HTT: variants seen among roughly 807,000 people sequenced by gnomAD.
The protein encoded by HTT is huntingtin.
In HTT, 104 loss-of-function variants were observed where a neutral mutation model predicts 362.3. The ratio of observed to expected loss-of-function variants is 0.29; its 90% CI spans 0.24 to 0.34. The LOEUF is 0.34. Ranked by LOEUF, HTT falls within the 10% of genes least tolerant of loss-of-function variation. HTT has a pLI of 1.00. For missense variants in HTT, 3,301 were observed against 3,928.6 expected (o/e 0.84, Z 4.27); for synonymous variants, 1,577 against 1,548.7 (o/e 1.02, Z -0.43).
intron 26 of HTT, among the ~76,000 whole-genome samples, chr4:3,150,577 CT>C (rs1369500829): frequency 3.3e-5 from 5 of 152,186 alleles, no homozygotes; most frequent in Admixed American, 6.5e-5. Context: ...CACTTTGTGT[CT>C]TATCAAGCTA....
rs1447793947 is a variant in HTT, at chr4:3,206,255, C to G, written c.5719-241C>G. Among the ~76,000 whole-genome samples, 1 of 152,270 alleles carries G rather than the reference C, an allele frequency of 6.6e-6. No individual in the cohort carries two copies. The highest frequency in any genetic ancestry group is 1.5e-5 in the Non-Finnish European group (1 of 68,044). On this transcript the variant is annotated intron_variant, in intron 42 of 66. Transcript: ENST00000355072. This position sits in a 1 kb window ranked among gnomAD's most constrained non-coding sequence, Gnocchi z 4.6. ...CTGAGAGCTGGACTGCTGTACCCTA[C>G]TTCCCCAGGGGGCCTAACTTCACAC...
chr4:3,187,512 A>C (rs1317755901), intron 38 of HTT, 139 bp from the exon 39 acceptor site: 2 of 653,848 alleles, frequency 3.1e-6, no homozygotes, highest in Non-Finnish European at 5.4e-6. Flanking sequence ...CTGGGAGCAC[A>C]CTTTGGGACT....
Position 3,215,219 on chromosome 4 carries a change from T to C in HTT, c.7054+8T>C. 2 of 1,602,494 alleles carry C rather than the reference T, an allele frequency of 1.2e-6. No homozygotes were observed. Among genetic ancestry groups the C allele is most frequent in the Non-Finnish European group, 1.7e-6 (2 of 1,170,534 alleles). ...TAGATCCAAACACACAGAGTAAGTC[T>C]CAGGACCCATTTTTTTCTTACATGT... On this transcript the variant is annotated splice_region_variant and intron_variant, in intron 51 of 66. Transcript: ENST00000355072.
intron 40 of HTT, 42 bp downstream of exon 40, chr4:3,189,135 C>T: frequency 6.3e-7 from 1 of 1,598,902 alleles, no homozygotes; most frequent in Non-Finnish European, 8.6e-7. Flanking sequence ...TCTCGTTCCC[C>T]ATTCTGCACT....
chr4:3,214,134 C>T lies in HTT; in HGVS notation c.6951C>T (p.Ala2317=), dbSNP rs376635317. 70 of 1,505,252 alleles carry T rather than the reference C, an allele frequency of 4.7e-5. No homozygotes were observed. Among genetic ancestry groups the T allele is most frequent in the Admixed American group, 2.6e-4 (13 of 50,508 alleles). 93.2% of individuals were successfully genotyped at this position (1,505,252 alleles called of 1,614,324 possible). Residue 2317 remains alanine, a splice_region_variant and synonymous_variant, in exon 50 of 67, where the codon GCC becomes GCT. Transcript: ENST00000355072. The part of the protein sequence containing the change: ...LIYCVHFILE[A]VAVQPGEQLL... ...ACTGTGTGCACTTCATCCTGGAGGC[C>T]GGTGAGTCCCCGTCCATGAACGGTG...
At chr4:3,100,560 C>G (rs972295564) in intron 3 of HTT, among the ~76,000 whole-genome samples, 1 of 152,196 alleles carries the variant, frequency 6.6e-6, no homozygotes, top group Non-Finnish European at 1.5e-5. Flanking sequence ...CTGCTTTGCT[C>G]GCATCTCACT....
chr4:3,182,254 G>C, intron 36 of HTT, 100 bp from the exon 37 acceptor site: 1 of 741,438 alleles, frequency 1.3e-6, no homozygotes, highest in Admixed American at 2.0e-5. Flanking sequence ...TTGGATCCTA[G>C]AGTCTTCCAG....
At chr4:3,171,618 C>G (rs1336346294) in intron 29 of HTT, among the ~76,000 whole-genome samples, 1 of 152,062 alleles carries the variant, frequency 6.6e-6, no homozygotes, top group Non-Finnish European at 1.5e-5. Flanking sequence ...GCTGGGATTA[C>G]AGGTGTGCGC....
Position 3,129,928 on chromosome 4 carries a change from T to C in HTT, c.1748T>C (p.Leu583Ser). ...AGCCCCCCTTGAACCGTTTAGGTGTTAGACGGTACCGACAACCAGTATTTG... is the reference window on the plus strand; with the variant it reads ...AGCCCCCCTTGAACCGTTTAGGTGTCAGACGGTACCGACAACCAGTATTTG... ...VTPSDSSEIV[L>S]DGTDNQYLGL... The change falls in exon 13 of 67, where the codon TTA becomes TCA. Residue 583 changes from leucine to serine, a missense_variant. Leu to Ser is a moderately radical substitution (Grantham distance 145). Transcript: ENST00000355072. The C allele has an allele frequency of 6.2e-7, 1 of 1,614,088 alleles. No individual in the cohort carries two copies. The highest frequency in any genetic ancestry group is 8.5e-7 in the Non-Finnish European group (1 of 1,179,962).
intron 1 of HTT, 138 bp from the exon 2 acceptor site, chr4:3,086,801 C>T: frequency 1.8e-6 from 1 of 547,482 alleles, no homozygotes; most frequent in Non-Finnish European, 3.4e-6. Context: ...TCCAGATCCC[C>T]ATTCTGCCCG....
chr4:3,086,535 G>A (rs1326834101), intron 1 of HTT, among the ~76,000 whole-genome samples: 2 of 152,188 alleles, frequency 1.3e-5, no homozygotes, highest in African/African-American at 4.8e-5. Context: ...GCCAGGCCCA[G>A]TGGTGCGTGC....
intron 2 of HTT, among the ~76,000 whole-genome samples, chr4:3,095,179 T>C (rs1296138267): frequency 1.3e-5 from 2 of 152,174 alleles, no homozygotes; most frequent in Non-Finnish European, 2.9e-5. Flanking sequence ...GGCAGGCGGC[T>C]GGGAGGTGAA....
At position 3,099,305 on chromosome 4, in the gene HTT, A is replaced by T. The variant is rs963369791; in HGVS notation, c.379A>T (p.Ile127Phe). 1 of 1,614,036 alleles carries T rather than the reference A, an allele frequency of 6.2e-7. No homozygotes were observed. The highest frequency in any genetic ancestry group is 8.5e-7 in the Non-Finnish European group (1 of 1,179,906). ...NSPEFQKLLG[I>F]AMELFLLCSD... ...TCCAGAATTTCAGAAACTTCTGGGCATCGCTATGGAACTTTTTCTGCTGTG... is the reference window on the plus strand; with the variant it reads ...TCCAGAATTTCAGAAACTTCTGGGCTTCGCTATGGAACTTTTTCTGCTGTG... The change falls in exon 3 of 67, where the codon ATC becomes TTC. Residue 127 changes from isoleucine (I) to phenylalanine (F), a missense_variant. Physicochemically the swap from Ile to Phe is conservative, Grantham distance 21. Around this residue, in one of 4 missense-constraint regions of HTT, gnomAD observed 2,316 missense variants for 2,658.5 expected, o/e 0.87. Coordinates refer to ENST00000355072, the MANE Select transcript of HTT (RefSeq NM_001388492.1).
chr4:3,235,391 TAATAC>T lies in HTT; in HGVS notation c.8566_8570del (p.Ile2856AspfsTer10). 1 of 1,603,354 alleles carries T rather than the reference TAATAC, an allele frequency of 6.2e-7. No homozygotes were observed. Among genetic ancestry groups the T allele is most frequent in the Non-Finnish European group, 8.5e-7 (1 of 1,170,154 alleles). On this transcript the variant is annotated frameshift_variant and splice_region_variant, in exon 62 of 67. Transcript: ENST00000355072. LOFTEE classifies it high-confidence loss of function. ...GTAGGGCCGGAATTTTCAGCATCAA[TAATAC>T]AGGTGAGTGGGCCCTGGCTGTCTTC...
At chr4:3,132,443 C>T in intron 16 of HTT, 119 bp from the exon 17 acceptor site, 1 of 785,070 alleles carries the variant, frequency 1.3e-6, no homozygotes, top group Non-Finnish European at 2.0e-6. Context: ...GAAGTCATTT[C>T]TGAATTTGGA....
intron 59 of HTT, 112 bp downstream of exon 59, chr4:3,229,121 C>A: frequency 9.6e-7 from 1 of 1,044,768 alleles, no homozygotes; most frequent in Non-Finnish European, 1.4e-6. Context: ...ACACACACCC[C>A]TCATGCATGC....
chr4:3,081,550 C>CTTTTTT lies in HTT; in HGVS notation c.264-5369_264-5364dup, dbSNP rs770325842. On this transcript the variant is annotated intron_variant, in intron 1 of 66. Transcript: ENST00000355072. ...ATAGGACCACATTTGGAAAGCATTTCTTTTTTTTTTTTTTTTTTTTTTTTT... is the reference window on the plus strand; with the variant it reads ...ATAGGACCACATTTGGAAAGCATTTCTTTTTTTTTTTTTTTTTTTTTTTTTTTTTTT... Among the ~76,000 whole-genome samples the CTTTTTT allele has an allele frequency of 4.9e-3, 412 of 84,414 alleles. 4 individuals carry two copies. Among genetic ancestry groups the CTTTTTT allele is most frequent in the Non-Finnish European group, 5.2e-3 (223 of 42,756 alleles). The allele number at this position is 84,414 out of a possible 152,430, so 55.4% of individuals were successfully genotyped here. A position where few individuals can be genotyped will look rare whatever the true frequency, so the allele number is the denominator to read the frequency against.
chr4:3,090,588 TATC>T (rs1346029266), intron 2 of HTT, among the ~76,000 whole-genome samples: 2 of 152,224 alleles, frequency 1.3e-5, no homozygotes, highest in African/African-American at 4.8e-5. Flanking sequence ...AGCACCAATA[TATC>T]GAACTCTAAG....
intron 10 of HTT, 108 bp from the exon 11 acceptor site, chr4:3,125,441 T>C (rs1217916998): frequency 1.5e-6 from 1 of 667,634 alleles, no homozygotes; most frequent in Non-Finnish European, 2.6e-6. Context: ...TAAACTATAT[T>C]AGAGTAAATT....
Sources: allele counts gnomAD v4.1 joint callset (sites outside exome capture counted in the v4.1 genomes callset), GRCh38; gene constraint gnomAD v4.1.1; regional missense constraint gnomAD v4.1.1; non-coding constraint Gnocchi (gnomAD v3.1); transcripts MANE v1.5; gene names NCBI Gene and HGNC (gene_info 2026-07-23, HGNC 2026-07-21).